TAS2R1: variants seen among roughly 807,000 people sequenced by gnomAD.
The protein encoded by TAS2R1 is taste 2 receptor member 1.
For synonymous variants in TAS2R1, 141 were observed against 134.2 expected (o/e 1.05, Z -0.35); for missense variants, 370 against 353.4 (o/e 1.05, Z -0.38).
the TAS2R1 span, among the ~76,000 whole-genome samples, chr5:9,722,742 G>A: frequency 6.6e-6 from 1 of 152,124 alleles, no homozygotes. Flanking sequence ...AATACCTCCT[G>A]GTATTTAGAA....
the TAS2R1 span, among the ~76,000 whole-genome samples, chr5:9,821,244 T>C: frequency 1.8e-4 from 28 of 152,168 alleles, no homozygotes; most frequent in South Asian, 4.1e-4. Flanking sequence ...CTTTCATCTG[T>C]AGGTTCAAGA....
chr5:9,683,727 T>C (rs1450615309), intron 1 of TAS2R1, among the ~76,000 whole-genome samples: 1 of 152,200 alleles, frequency 6.6e-6, no homozygotes, highest in African/African-American at 2.4e-5. Flanking sequence ...GGAGTTTGCA[T>C]GTGAAATAAA....
chr5:9,700,320 G>C (rs1453823049), intron 1 of TAS2R1, among the ~76,000 whole-genome samples: 1 of 152,140 alleles, frequency 6.6e-6, no homozygotes, highest in Non-Finnish European at 1.5e-5. Flanking sequence ...TGTTTACCTA[G>C]TTTCGTTATA....
chr5:9,719,407 T>C, the TAS2R1 span, among the ~76,000 whole-genome samples: 2 of 152,246 alleles, frequency 1.3e-5, no homozygotes, highest in Non-Finnish European at 2.9e-5. Flanking sequence ...ACAAAAAACC[T>C]AGAAGCAATA....
At chr5:9,764,337 G>A in the TAS2R1 span, among the ~76,000 whole-genome samples, 8 of 152,184 alleles carry the variant, frequency 5.3e-5, no homozygotes, top group African/African-American at 1.7e-4. Context: ...AAACTTCTAA[G>A]AGCACTTTTA....
the TAS2R1 span, among the ~76,000 whole-genome samples, chr5:9,836,167 T>C: frequency 6.6e-6 from 1 of 151,988 alleles, no homozygotes; most frequent in Non-Finnish European, 1.5e-5. Context: ...ATGTGAGACG[T>C]GCCTTTTACC....
At chr5:9,639,438 C>T (rs913291478) in intron 2 of TAS2R1, among the ~76,000 whole-genome samples, 3 of 152,186 alleles carry the variant, frequency 2.0e-5, no homozygotes, top group Non-Finnish European at 4.4e-5. Flanking sequence ...GGTTTTCCTC[C>T]TATCATGCTT....
chr5:9,719,948 A>AAC, the TAS2R1 span, among the ~76,000 whole-genome samples: 13 of 146,198 alleles, frequency 8.9e-5, no homozygotes, highest in East Asian at 7.9e-4. Flanking sequence ...ACAAAAACAA[A>AAC]AACAAACTAC....
chr5:9,840,385 A>G, the TAS2R1 span, among the ~76,000 whole-genome samples: 1 of 152,098 alleles, frequency 6.6e-6, no homozygotes, highest in African/African-American at 2.4e-5. Flanking sequence ...CTTGTTTTTT[A>G]TCCTTCCCAT....
intron 1 of TAS2R1, among the ~76,000 whole-genome samples, chr5:9,692,258 A>G (rs1305493002): frequency 6.6e-6 from 1 of 152,174 alleles, no homozygotes; most frequent in Non-Finnish European, 1.5e-5. Context: ...AACTATATAC[A>G]TAGGACTGCC....
the TAS2R1 span, among the ~76,000 whole-genome samples, chr5:9,808,220 A>C: frequency 6.6e-6 from 1 of 152,222 alleles, no homozygotes; most frequent in African/African-American, 2.4e-5. Context: ...TGGTAGAAAT[A>C]TGAGCCATTC....
chr5:9,752,912 T>C, the TAS2R1 span, among the ~76,000 whole-genome samples: 128 of 152,346 alleles, frequency 8.4e-4, no homozygotes, highest in African/African-American at 3.0e-3. Context: ...TATTCCATAG[T>C]GTATATGTGC....
At chr5:9,660,612 C>T (rs1740515779) in intron 1 of TAS2R1, among the ~76,000 whole-genome samples, 1 of 152,152 alleles carries the variant, frequency 6.6e-6, no homozygotes. Context: ...GAATGACAGT[C>T]CCCCTTGGAT....
the TAS2R1 span, among the ~76,000 whole-genome samples, chr5:9,766,114 A>T: frequency 2.6e-5 from 4 of 152,226 alleles, no homozygotes; most frequent in Non-Finnish European, 5.9e-5. Flanking sequence ...CACAAAGCCA[A>T]AGATCTTGTA....
At chr5:9,739,571 C>T in the TAS2R1 span, among the ~76,000 whole-genome samples, 3 of 152,222 alleles carry the variant, frequency 2.0e-5, no homozygotes, top group Non-Finnish European at 2.9e-5. Flanking sequence ...GCAATACACA[C>T]CATTATTACA....
At chr5:9,801,289 C>T in the TAS2R1 span, among the ~76,000 whole-genome samples, 6 of 152,206 alleles carry the variant, frequency 3.9e-5, no homozygotes, top group African/African-American at 1.2e-4. Flanking sequence ...CATGCTGGCA[C>T]CTTGATGCAA....
the TAS2R1 span, among the ~76,000 whole-genome samples, chr5:9,825,693 C>A: frequency 2.2e-4 from 33 of 152,172 alleles, no homozygotes; most frequent in Admixed American, 3.9e-4. Flanking sequence ...ATTTTTCAGG[C>A]TTTTTCTTTT....
At chr5:9,648,541 G>A (rs1024083835) in intron 2 of TAS2R1, among the ~76,000 whole-genome samples, 5 of 152,000 alleles carry the variant, frequency 3.3e-5, no homozygotes, top group African/African-American at 7.2e-5. Context: ...CAGAAGCAGA[G>A]GCCACATCCC....
chr5:9,670,581 T>C (rs1230179897), intron 1 of TAS2R1, among the ~76,000 whole-genome samples: 2 of 152,188 alleles, frequency 1.3e-5, no homozygotes, highest in Non-Finnish European at 2.9e-5. Flanking sequence ...TTTGCTTAAA[T>C]AAACTCTGTT....
Sources: gnomAD v4.1 joint callset for allele counts (sites outside exome capture counted in the v4.1 genomes callset) on GRCh38, gnomAD v4.1.1 for gene constraint, MANE v1.5 for transcripts, NCBI Gene and HGNC (gene_info 2026-07-23, HGNC 2026-07-21) for gene names.